Variants in LMAN2 observed in about 807,000 individuals in gnomAD.
LMAN2 encodes the protein vesicular integral-membrane protein VIP36.
In LMAN2, 22 loss-of-function variants were observed where a neutral mutation model predicts 39.3. The ratio of observed to expected loss-of-function variants is 0.56; its 90% confidence interval spans 0.40 to 0.80. The LOEUF (loss-of-function observed/expected upper bound fraction) is 0.80, where lower values mean the gene tolerates loss of function less well. LMAN2 is among the 30% of genes least tolerant of loss of function. The pLI is 0.00. For synonymous variants in LMAN2, 207 were observed against 207.8 expected (o/e 1.00, Z 0.03); for missense variants, 494 against 505.4 (o/e 0.98, Z 0.22).
intron 2 of LMAN2, among the ~76,000 whole-genome samples, chr5:177,341,975 A>G (rs980165546): frequency 4.6e-5 from 7 of 152,208 alleles, no homozygotes; most frequent in African/African-American, 7.2e-5. Context: ...GAAGAGGAAA[A>G]ATAGGATAAT....
At position 177,332,143 on chromosome 5, in the gene LMAN2, G is replaced by C. The variant is rs142942782; in HGVS notation, c.1014C>G (p.Ala338=). The C allele has an allele frequency of 1.9e-6, 3 of 1,613,510 alleles. No individual in the cohort carries two copies. The African/African-American group carries it at 4.0e-5, about 22-fold the overall frequency. The part of the protein sequence containing the change: ...LCALLGIVVC[A]VVGAVVFQKR... ...TCTGGAACACCACGGCCCCCACCAC[G>C]GCGCAGACAACGATGCCCAGGAGAG... Residue 338 remains alanine, a synonymous_variant, in exon 8 of 8, where the codon GCC becomes GCG. Coordinates refer to ENST00000303127, the MANE Select transcript of LMAN2 (RefSeq NM_006816.3). This position sits in a 1 kb window ranked among gnomAD's most constrained non-coding sequence, Gnocchi z 6.3.
intron 2 of LMAN2, among the ~76,000 whole-genome samples, chr5:177,348,579 T>C (rs1382736474): frequency 1.4e-5 from 2 of 147,412 alleles, no homozygotes; most frequent in African/African-American, 2.5e-5. Context: ...TCCCAGCTAC[T>C]GGGGAGGCTG....
In LMAN2 at chr5:177,337,324, G is replaced by T. The variant is rs747756739; in HGVS notation, c.675+39C>A. The T allele has an allele frequency of 1.2e-6, 2 of 1,610,574 alleles. No homozygotes were observed. Among genetic ancestry groups the T allele is most frequent in the South Asian group, 2.2e-5 (2 of 91,026 alleles). ...CCTGAGCCTCTGTGGGACCAGCACA[G>T]GGCCACCAGCTGCCACCCCCACCGC... On this transcript the variant is annotated intron_variant, in intron 5 of 7. Transcript: ENST00000303127. The surrounding 1 kb of genome is among the most constrained non-coding windows in gnomAD (Gnocchi z 8.2).
rs552683419 is a variant in LMAN2 at position 177,333,618 on chromosome 5, G to A, written c.910+666C>T. ...AGGGCTGGGCTACGACAGAGCCCGC[G>A]CCGTGCACTTCTGTCACTGGCTGGA... On this transcript the variant is annotated intron_variant, in intron 7 of 7. Coordinates refer to ENST00000303127, the MANE Select transcript of LMAN2 (RefSeq NM_006816.3). Among the ~76,000 whole-genome samples the A allele has an allele frequency of 3.5e-4, 53 of 152,340 alleles. No homozygotes were observed. In the South Asian group the frequency reaches 0.01, roughly 29 times the overall value.
chr5:177,333,979 T>C (rs1286373369), intron 7 of LMAN2, among the ~76,000 whole-genome samples: 1 of 152,218 alleles, frequency 6.6e-6, no homozygotes, highest in East Asian at 1.9e-4. Context: ...CGTTTGTTGA[T>C]CAGCCACTGC....
Position 177,337,655 on chromosome 5 carries a change from C to T in LMAN2, c.513+51G>A, listed in dbSNP as rs564394272. On this transcript the variant is annotated intron_variant, in intron 4 of 7. Transcript: ENST00000303127. This position sits in a 1 kb window ranked among gnomAD's most constrained non-coding sequence, Gnocchi z 8.2. ...AAGTCCCAGGGCCCCCTCCTCTAGC[C>T]GACTGCCCAGTCCTTCCTTTCCTGC... 6.5e-5 allele frequency: 105 copies of T among 1,607,766 alleles called. No individual in the cohort carries two copies. The highest frequency in any genetic ancestry group is 3.8e-4 in the East Asian group (17 of 44,786).
chr5:177,348,745 G>A (rs989304942), intron 2 of LMAN2, among the ~76,000 whole-genome samples: 3 of 147,124 alleles, frequency 2.0e-5, no homozygotes, highest in South Asian at 2.2e-4. Context: ...CTAGCTGGGC[G>A]TGGTGGTGCA....
intron 2 of LMAN2, among the ~76,000 whole-genome samples, chr5:177,339,991 AAGAGAC>A (rs1761527940): frequency 6.6e-6 from 1 of 152,158 alleles, no homozygotes; most frequent in African/African-American, 2.4e-5. Context: ...AATTGTGGGT[AAGAGAC>A]AGAGGAAACA....
At chr5:177,336,858 G>C (rs1581601769) in intron 6 of LMAN2, 1 of 250,378 alleles carries the variant, frequency 4.0e-6, no homozygotes, top group African/African-American at 5.6e-5. Context: ...CAGAAGAAAG[G>C]AGGAGGAGGA....
chr5:177,336,582 T>C (rs1761475318), intron 6 of LMAN2, among the ~76,000 whole-genome samples: 1 of 152,048 alleles, frequency 6.6e-6, no homozygotes, highest in South Asian at 2.1e-4. Context: ...CCACAGGGAC[T>C]GTTGATGGAC....
rs541777479 is a variant in LMAN2 at position 177,349,730 on chromosome 5, C to A, written c.315+1443G>T. ...AATAATAATAATGCTATACTGAACT[C>A]ATTTCCATGAAAAATATAAGGCTGA... On this transcript the variant is annotated intron_variant, in intron 2 of 7. Transcript: ENST00000303127. Among the ~76,000 whole-genome samples, 202 of 152,346 alleles carry A rather than the reference C, an allele frequency of 1.3e-3. 1 individual carries two copies. The highest frequency in any genetic ancestry group is 2.1e-3 in the Non-Finnish European group (142 of 68,032).
chr5:177,340,753 G>C (rs770880703), intron 2 of LMAN2, among the ~76,000 whole-genome samples: 4 of 151,048 alleles, frequency 2.6e-5, no homozygotes, highest in Non-Finnish European at 5.9e-5. Flanking sequence ...CTGGGCAACA[G>C]AGTGAGACTC....
At chr5:177,336,274 C>A (rs570208570) in intron 6 of LMAN2, among the ~76,000 whole-genome samples, 1 of 152,272 alleles carries the variant, frequency 6.6e-6, no homozygotes, top group East Asian at 1.9e-4. Flanking sequence ...CGCATCCAGG[C>A]AGCAGCTGGA....
intron 2 of LMAN2, among the ~76,000 whole-genome samples, chr5:177,342,473 G>A (rs1225927853): frequency 2.6e-5 from 4 of 152,042 alleles, no homozygotes; most frequent in African/African-American, 4.8e-5. Flanking sequence ...TCACCAGAGC[G>A]CAGAAGTTCA....
chr5:177,344,441 C>T (rs1410342348), intron 2 of LMAN2, among the ~76,000 whole-genome samples: 2 of 151,338 alleles, frequency 1.3e-5, no homozygotes, highest in Non-Finnish European at 1.5e-5. Flanking sequence ...CCACCATGAC[C>T]AGCTAATTAG....
At chr5:177,345,028 T>C (rs1234572431) in intron 2 of LMAN2, among the ~76,000 whole-genome samples, 2 of 152,030 alleles carry the variant, frequency 1.3e-5, no homozygotes, top group Non-Finnish European at 2.9e-5. Flanking sequence ...TTTTTTTACA[T>C]AGCCATGACA....
At chr5:177,350,032 T>C (rs962799963) in intron 2 of LMAN2, among the ~76,000 whole-genome samples, 2 of 152,154 alleles carry the variant, frequency 1.3e-5, no homozygotes, top group East Asian at 1.9e-4. Context: ...AGGGGCCAGA[T>C]TGTGCAGACA....
intron 6 of LMAN2, chr5:177,334,688 C>T (rs771362836): frequency 1.7e-5 from 6 of 343,372 alleles, no homozygotes; most frequent in South Asian, 6.1e-5. Flanking sequence ...GCTCATGTTC[C>T]GCACATGTAG....
intron 3 of LMAN2, 76 bp downstream of exon 3, chr5:177,338,411 AC>A (rs949220331): frequency 4.1e-6 from 5 of 1,211,882 alleles, no homozygotes; most frequent in African/African-American, 1.5e-5. Flanking sequence ...AGGCAGCCCC[AC>A]CCCACCTCCC....
Sources: allele counts gnomAD v4.1 joint callset (sites outside exome capture counted in the v4.1 genomes callset), GRCh38; gene constraint gnomAD v4.1.1; non-coding constraint Gnocchi (gnomAD v3.1); transcripts MANE v1.5; gene names NCBI Gene and HGNC (gene_info 2026-07-23, HGNC 2026-07-21).